Variants in SKIL observed in about 807,000 individuals in gnomAD.
SKIL encodes the protein ski-like protein.
A neutral mutation model predicts 69.6 loss-of-function variants in SKIL; 20 were observed. The observed-to-expected ratio is 0.29, with a 90% CI of 0.20 to 0.42. SKIL has a LOEUF of 0.42. Among genes scored for constraint, SKIL ranks in the 10% least tolerant of loss-of-function variants. The probability of loss-of-function intolerance (pLI) is 1.00; values close to 1 mark genes in which losing one functional copy is unlikely to be tolerated. For missense variants in SKIL, 745 were observed against 783.1 expected (o/e 0.95, Z 0.58); for synonymous variants, 310 against 279.9 (o/e 1.11, Z -1.08).
chr3:170,373,302 G>A (rs1365203865), intron 2 of SKIL, among the ~76,000 whole-genome samples: 2 of 152,120 alleles, frequency 1.3e-5, no homozygotes, highest in African/African-American at 4.8e-5. Context: ...AAGTAGCTGG[G>A]ATTACAGGCA....
Position 170,384,310 on chromosome 3 carries a change from T to C in SKIL, c.1197-223T>C, listed in dbSNP as rs1396055849. ...ACCACTACGCTCCAGCCTGGGTTAC[T>C]TGCAAACTAACAAAAAATCCCTTAT... is the stretch of plus-strand genomic sequence containing the variant. On this transcript the variant is annotated intron_variant, in intron 3 of 6. Coordinates refer to ENST00000259119, the MANE Select transcript of SKIL (RefSeq NM_005414.5). 2.0e-5 allele frequency among the ~76,000 whole-genome samples: 3 copies of C among 152,170 alleles called. No homozygotes were observed. The East Asian group carries it at 5.8e-4, about 29-fold the overall frequency.
At chr3:170,389,574 A>C (rs899986609) in intron 4 of SKIL, among the ~76,000 whole-genome samples, 2 of 152,094 alleles carry the variant, frequency 1.3e-5, no homozygotes, top group Non-Finnish European at 2.9e-5. Flanking sequence ...TCGGCCTCCC[A>C]AAGTGCTGGG....
intron 5 of SKIL, 82 bp downstream of exon 5, chr3:170,390,546 G>T (rs1411768172): frequency 3.6e-6 from 4 of 1,122,650 alleles, no homozygotes; most frequent in Non-Finnish European, 5.2e-6. Context: ...GAGTGCAGTG[G>T]CGCAGTCTCA....
rs754873156 is a variant in SKIL at position 170,360,884 on chromosome 3, A to G, written c.553A>G (p.Thr185Ala). 1.2e-6 allele frequency: 2 copies of G among 1,614,070 alleles called. No homozygotes were observed. Among genetic ancestry groups the G allele is most frequent in the Non-Finnish European group, 1.7e-6 (2 of 1,180,022 alleles). The change falls in exon 2 of 7, where the codon ACA (threonine) becomes GCA (alanine). Residue 185 changes from threonine (T) to alanine (A), a missense_variant. Thr to Ala is a moderately conservative substitution (Grantham distance 58). Coordinates refer to ENST00000259119, the MANE Select transcript of SKIL (RefSeq NM_005414.5). ...LREFTLQQIN[T>A]VCDELYIYCS... ...AGAATTTACACTCCAGCAAATAAAT[A>G]CAGTGTGTGATGAACTGTACATATA...
At chr3:170,378,986 C>T (rs1454921423) in intron 2 of SKIL, among the ~76,000 whole-genome samples, 1 of 152,008 alleles carries the variant, frequency 6.6e-6, no homozygotes, top group East Asian at 1.9e-4. Context: ...AAGTGAGTCT[C>T]CTGCCTCAGC....
At chr3:170,362,255 C>T (rs1034811306) in intron 2 of SKIL, among the ~76,000 whole-genome samples, 3 of 152,194 alleles carry the variant, frequency 2.0e-5, no homozygotes, top group African/African-American at 4.8e-5. Flanking sequence ...GTAATCCCAA[C>T]ACTTTGGGGG....
Position 170,384,704 on chromosome 3 carries a change from C to G in SKIL, c.1368C>G (p.Val456=), listed in dbSNP as rs751998491. 1 of 1,612,604 alleles carries G rather than the reference C, an allele frequency of 6.2e-7. No homozygotes were observed. Among genetic ancestry groups the G allele is most frequent in the South Asian group, 1.1e-5 (1 of 90,922 alleles). ...AAAAAACAGTGTCTTATCCAGATGT[C>G]TCACTTGAGGAACAGGAGAAAATGG... The part of the protein sequence containing the change: ...KLQKTVSYPD[V]SLEEQEKMDL... Residue 456 remains valine (V), a synonymous_variant, in exon 4 of 7, where the codon GTC becomes GTG. Coordinates refer to ENST00000259119, the MANE Select transcript of SKIL (RefSeq NM_005414.5).
At chr3:170,384,927 C>T (rs1237750960) in intron 4 of SKIL, 162 bp downstream of exon 4, 2 of 534,280 alleles carry the variant, frequency 3.7e-6, no homozygotes, top group Non-Finnish European at 6.6e-6. Context: ...ATTTTAATCT[C>T]AGTTGCTATA....
chr3:170,373,092 GT>G (rs1242876711), intron 2 of SKIL, among the ~76,000 whole-genome samples: 1 of 150,506 alleles, frequency 6.6e-6, no homozygotes, highest in Non-Finnish European at 1.5e-5. Context: ...CACATCCCAG[GT>G]TCAAGCGATT....
chr3:170,384,217 A>G (rs773247971), intron 3 of SKIL, among the ~76,000 whole-genome samples: 19 of 152,062 alleles, frequency 1.2e-4, no homozygotes, highest in Non-Finnish European at 2.5e-4. Flanking sequence ...GGTCCCAGCT[A>G]CCTGGGATGC....
Position 170,360,169 on chromosome 3 carries a change from A to G in SKIL, c.-163A>G. On this transcript the variant is annotated 5_prime_UTR_variant, in exon 2 of 7. Transcript: ENST00000259119. Reference sequence around the variant, plus strand: ...TTATACCAGATTATAAGGAGAACCAAAACTAAGTCGCAAAATTTATTAATT... The same window carrying G: ...TTATACCAGATTATAAGGAGAACCAGAACTAAGTCGCAAAATTTATTAATT... 3.0e-6 allele frequency: 2 copies of G among 656,562 alleles called. No individual in the cohort carries two copies. Among genetic ancestry groups the G allele is most frequent in the South Asian group, 5.1e-5 (2 of 38,842 alleles). 40.7% of individuals were successfully genotyped at this position (656,562 alleles called of 1,614,324 possible).
chr3:170,384,613 C>A lies in SKIL; in HGVS notation c.1277C>A (p.Thr426Lys). 1 of 1,613,166 alleles carries A rather than the reference C, an allele frequency of 6.2e-7. No homozygotes were observed. Among genetic ancestry groups the A allele is most frequent in the Non-Finnish European group, 8.5e-7 (1 of 1,179,236 alleles). Residue 426 changes from threonine (T) to lysine (K), a missense_variant, in exon 4 of 7, where the codon ACA (threonine) becomes AAA (lysine). Coordinates refer to ENST00000259119, the MANE Select transcript of SKIL (RefSeq NM_005414.5). ...GCTGTATCCCAGTCTAAAGAGCTCACAAAGACAGAGGCAAGTAAGTCCATA... is the reference window on the plus strand; with the variant it reads ...GCTGTATCCCAGTCTAAAGAGCTCAAAAAGACAGAGGCAAGTAAGTCCATA... ...TSAVSQSKEL[T>K]KTEASKSISR...
At chr3:170,373,144 GCA>G (rs1219784544) in intron 2 of SKIL, among the ~76,000 whole-genome samples, 8 of 151,134 alleles carry the variant, frequency 5.3e-5, no homozygotes, top group African/African-American at 1.9e-4. Flanking sequence ...CTACAGGCGT[GCA>G]CCACCAGGCC....
At position 170,384,543 on chromosome 3, in the gene SKIL, T is replaced by C. The variant is rs780634860; in HGVS notation, c.1207T>C (p.Tyr403His). Residue 403 changes from tyrosine to histidine, a missense_variant, in exon 4 of 7, where the codon TAC becomes CAC. Physicochemically the swap from Tyr to His is moderately conservative, Grantham distance 83 (BLOSUM62 2). Coordinates refer to ENST00000259119, the MANE Select transcript of SKIL (RefSeq NM_005414.5). ...TTTACTTGTTTTCAGCTACTACTTA[T>C]ACATGTGTGATAAAGTGGTTGCCCC... Reference protein sequence around the residue: ...HSFLHPSYYLYMCDKVVAPNV... With the variant: ...HSFLHPSYYLHMCDKVVAPNV... 9.6e-6 allele frequency: 15 copies of C among 1,554,868 alleles called. No homozygotes were observed. Among genetic ancestry groups the C allele is most frequent in the African/African-American group, 8.2e-5 (6 of 73,586 alleles).
chr3:170,381,271 C>G lies in SKIL; in HGVS notation c.1126C>G (p.Gln376Glu), dbSNP rs550032331. Residue 376 changes from glutamine (Q) to glutamate (E), a missense_variant, in exon 3 of 7, where the codon CAG (glutamine) becomes GAG (glutamate). By Grantham distance (29) the Gln-to-Glu change is conservative. Transcript: ENST00000259119. ...AGATGCACCATCAGGAATGGAATTA[C>G]AGTCATGGTATCCTGTTATAAAGCA... is the stretch of plus-strand genomic sequence containing the variant. The part of the protein sequence containing the change: ...KTDAPSGMEL[Q>E]SWYPVIKQEG... 51 of 1,592,504 alleles carry G rather than the reference C, an allele frequency of 3.2e-5. No homozygotes were observed. In the South Asian group the frequency reaches 5.4e-4, roughly 17 times the overall value.
chr3:170,380,928 A>G (rs943465853), intron 2 of SKIL, among the ~76,000 whole-genome samples: 36 of 151,842 alleles, frequency 2.4e-4, no homozygotes, highest in African/African-American at 8.5e-4. Context: ...TCCTGGGCTC[A>G]AGGGATTCTC....
chr3:170,361,594 T>A (rs113432003), intron 2 of SKIL, among the ~76,000 whole-genome samples, 165 bp downstream of exon 2: 1,893 of 152,376 alleles, frequency 0.012, 35 homozygotes, highest in African/African-American at 0.043. Flanking sequence ...TAAAGTGCTT[T>A]GCAGTATGTT....
At chr3:170,385,594 C>T (rs972445666) in intron 4 of SKIL, among the ~76,000 whole-genome samples, 1 of 152,040 alleles carries the variant, frequency 6.6e-6, no homozygotes, top group Non-Finnish European at 1.5e-5. Flanking sequence ...GGTTACTTAC[C>T]GTGCCTTTTA....
chr3:170,378,616 A>G (rs994979550), intron 2 of SKIL, among the ~76,000 whole-genome samples: 6 of 132,308 alleles, frequency 4.5e-5, no homozygotes, highest in African/African-American at 1.7e-4. Flanking sequence ...CAGTGGCGCG[A>G]ACTCAGCTCA....
Sources: allele counts gnomAD v4.1 joint callset (sites outside exome capture counted in the v4.1 genomes callset), GRCh38; gene constraint gnomAD v4.1.1; transcripts MANE v1.5; gene names NCBI Gene and HGNC (gene_info 2026-07-23, HGNC 2026-07-21).